CNBD1: variants seen among roughly 807,000 people sequenced by gnomAD.
CNBD1 encodes the protein cyclic nucleotide binding domain containing 1.
A neutral mutation model predicts 54.4 loss-of-function variants in CNBD1; 71 were observed. The ratio of observed to expected loss-of-function variants is 1.30; its 90% CI spans 1.08 to 1.59. The LOEUF is 1.59. Ranked by LOEUF, CNBD1 falls within the 40% of genes most tolerant of loss-of-function variation. The pLI, the probability that CNBD1 is intolerant of heterozygous loss-of-function variation, is 0.00. For synonymous variants in CNBD1, 182 were observed against 170.7 expected (o/e 1.07, Z -0.51); for missense variants, 659 against 518.0 (o/e 1.27, Z -2.64).
intron 3 of CNBD1, among the ~76,000 whole-genome samples, chr8:86,929,549 G>A (rs965847484): frequency 5.3e-5 from 8 of 152,208 alleles, no homozygotes; most frequent in Non-Finnish European, 1.0e-4. Context: ...GATTCTCTCA[G>A]GCAGCATAAG....
chr8:87,194,307 G>A (rs188523805), intron 4 of CNBD1, among the ~76,000 whole-genome samples: 3 of 152,286 alleles, frequency 2.0e-5, no homozygotes, highest in Admixed American at 2.0e-4. Flanking sequence ...GGTAGTTAAG[G>A]GGAACAATGT....
chr8:87,363,722 T>C (rs979159389), intron 10 of CNBD1, among the ~76,000 whole-genome samples: 48 of 152,230 alleles, frequency 3.2e-4, no homozygotes, highest in African/African-American at 1.1e-3. Context: ...TCTTGTGATT[T>C]TGTTTAAGTT....
At chr8:87,148,327 A>C (rs1812531881) in intron 4 of CNBD1, among the ~76,000 whole-genome samples, 1 of 152,216 alleles carries the variant, frequency 6.6e-6, no homozygotes, top group East Asian at 1.9e-4. Context: ...ATTTGTCATT[A>C]AATTAATTGG....
In CNBD1 at chr8:86,949,965, T is replaced by TTTG. The variant is rs1563833557; in HGVS notation, c.431+10213_431+10214insGTT. On this transcript the variant is annotated intron_variant, in intron 4 of 10. Coordinates refer to ENST00000518476, the MANE Select transcript of CNBD1 (RefSeq NM_173538.3). ...TCAAATGCTTTTTTTTTTTTTTTTT[T>TTTG]TTTTTTTTTGAGATGGAGTCTCGCT... Among the ~76,000 whole-genome samples the TTTG allele has an allele frequency of 1.3e-3, 173 of 130,286 alleles. 10 individuals carry two copies. The highest frequency in any genetic ancestry group is 4.8e-3 in the African/African-American group (162 of 34,020). 85.5% of individuals were successfully genotyped at this position (130,286 alleles called of 152,430 possible). A position where few individuals can be genotyped will look rare whatever the true frequency, so the allele number is the denominator to read the frequency against.
chr8:87,380,885 T>C (rs1563579037), intron 10 of CNBD1, among the ~76,000 whole-genome samples: 1 of 152,074 alleles, frequency 6.6e-6, no homozygotes, highest in African/African-American at 2.4e-5. Flanking sequence ...CTGTACTTAA[T>C]AATCAACTAA....
chr8:86,921,130 A>G (rs1003447007), intron 3 of CNBD1, among the ~76,000 whole-genome samples: 6 of 152,296 alleles, frequency 3.9e-5, no homozygotes, highest in Admixed American at 1.3e-4. Context: ...TTTCTCTAGC[A>G]TAGCTGAAAT....
chr8:86,910,339 C>T (rs1372321881), intron 3 of CNBD1, among the ~76,000 whole-genome samples: 1 of 152,074 alleles, frequency 6.6e-6, no homozygotes, highest in Non-Finnish European at 1.5e-5. Flanking sequence ...GACCTTTCTC[C>T]GTGTGGCAGG....
At chr8:87,369,867 T>A (rs1424941582) in intron 10 of CNBD1, among the ~76,000 whole-genome samples, 2 of 151,978 alleles carry the variant, frequency 1.3e-5, no homozygotes, top group African/African-American at 4.8e-5. Context: ...CTATATGCTA[T>A]CCCTCCCCAC....
chr8:87,048,689 A>G (rs1810251051), intron 4 of CNBD1, among the ~76,000 whole-genome samples: 1 of 152,146 alleles, frequency 6.6e-6, no homozygotes, highest in African/African-American at 2.4e-5. Context: ...CCACCCAGTT[A>G]ATCAAGATGT....
chr8:87,285,824 C>T (rs1320971141), intron 7 of CNBD1, among the ~76,000 whole-genome samples: 2 of 152,120 alleles, frequency 1.3e-5, no homozygotes, highest in African/African-American at 2.4e-5. Flanking sequence ...GAGGAAAGAT[C>T]GCACCATTGC....
chr8:87,275,829 G>T (rs1245636850), intron 6 of CNBD1, among the ~76,000 whole-genome samples: 2 of 151,602 alleles, frequency 1.3e-5, no homozygotes, highest in South Asian at 2.1e-4. Flanking sequence ...AAACCCCATT[G>T]TCTCAGCCCA....
chr8:87,134,365 C>T lies in CNBD1; in HGVS notation c.432-71628C>T, dbSNP rs545672585. ...AAAAACTTCCAGTTTCGTAAAATGT[C>T]GTTAGCAACAAAAAAGAGTATATAG... On this transcript the variant is annotated intron_variant, in intron 4 of 10. Transcript: ENST00000518476. Among the ~76,000 whole-genome samples, 19 of 152,016 alleles carry T rather than the reference C, an allele frequency of 1.2e-4. No individual in the cohort carries two copies. In the South Asian group the frequency reaches 2.5e-3, roughly 20 times the overall value.
rs758083191 is a variant in CNBD1 at position 87,334,719 on chromosome 8, C to CTTTTTTTTTTTTTTTTTTTTTTTTTTTT, written c.1043-16962_1043-16961insTTTTTTTTTTTTTTTTTTTTTTTTTTTT. Among the ~76,000 whole-genome samples the CTTTTTTTTTTTTTTTTTTTTTTTTTTTT allele has an allele frequency of 1.6e-5, 2 of 126,160 alleles. 1 individual carries two copies. The allele number at this position is 126,160 out of a possible 152,430, so 82.8% of individuals were successfully genotyped here. A position where few individuals can be genotyped will look rare whatever the true frequency, so the allele number is the denominator to read the frequency against. Reference sequence around the variant, plus strand: ...TCTTTTTTCTTTTCTTTTCTTTTTTCTTTTCTTTTTTTTTTTTTAAGATGG... The same window carrying CTTTTTTTTTTTTTTTTTTTTTTTTTTTT: ...TCTTTTTTCTTTTCTTTTCTTTTTTCTTTTTTTTTTTTTTTTTTTTTTTTTTTTTTTTCTTTTTTTTTTTTTAAGATGG... On this transcript the variant is annotated intron_variant, in intron 8 of 10. Coordinates refer to ENST00000518476, the MANE Select transcript of CNBD1 (RefSeq NM_173538.3).
At chr8:87,238,040 A>C (rs927592089) in intron 6 of CNBD1, among the ~76,000 whole-genome samples, 5 of 137,974 alleles carry the variant, frequency 3.6e-5, no homozygotes, top group Non-Finnish European at 7.4e-5. Context: ...TTAGCACAAC[A>C]GCTGTAATTA....
At position 87,324,334 on chromosome 8, in the gene CNBD1, G is replaced by A. The variant is rs1046247362; in HGVS notation, c.1043-27351G>A. ...TGGCCTCATAAAATGAGTTAGGGAG[G>A]ATTCCCTCTTTTTCTATTGATTGGA... On this transcript the variant is annotated intron_variant, in intron 8 of 10. Coordinates refer to ENST00000518476, the MANE Select transcript of CNBD1 (RefSeq NM_173538.3). Among the ~76,000 whole-genome samples, 3 of 126,716 alleles carry A rather than the reference G, an allele frequency of 2.4e-5. 1 individual carries two copies. Among genetic ancestry groups the A allele is most frequent in the African/African-American group, 8.7e-5 (3 of 34,352 alleles). 83.1% of individuals were successfully genotyped at this position (126,716 alleles called of 152,430 possible). A position where few individuals can be genotyped will look rare whatever the true frequency, so the allele number is the denominator to read the frequency against.
At chr8:87,122,479 T>C (rs1050560109) in intron 4 of CNBD1, among the ~76,000 whole-genome samples, 3 of 151,880 alleles carry the variant, frequency 2.0e-5, no homozygotes, top group African/African-American at 7.2e-5. Flanking sequence ...TTTCTCTAAT[T>C]CTGTGGATTG....
chr8:87,084,507 C>G (rs1811059931), intron 4 of CNBD1, among the ~76,000 whole-genome samples: 1 of 151,880 alleles, frequency 6.6e-6, no homozygotes, highest in South Asian at 2.1e-4. Flanking sequence ...ATATGTCATC[C>G]CATTGTGTTT....
chr8:86,940,011 A>G (rs975804346), intron 4 of CNBD1, among the ~76,000 whole-genome samples: 1 of 151,934 alleles, frequency 6.6e-6, no homozygotes, highest in Non-Finnish European at 1.5e-5. Context: ...CAAGCAAAAT[A>G]TATATTATTT....
chr8:87,225,850 G>C (rs1814473121), intron 5 of CNBD1, among the ~76,000 whole-genome samples: 1 of 145,352 alleles, frequency 6.9e-6, no homozygotes, highest in Non-Finnish European at 1.5e-5. Flanking sequence ...GTAGAATTCA[G>C]CTGTGAATCC....
Sources: allele counts gnomAD v4.1 joint callset (sites outside exome capture counted in the v4.1 genomes callset), GRCh38; gene constraint gnomAD v4.1.1; transcripts MANE v1.5; gene names NCBI Gene and HGNC (gene_info 2026-07-23, HGNC 2026-07-21).